Variants in RC3H2 observed in about 807,000 individuals in gnomAD.
RC3H2 encodes roquin-2.
RC3H2 carries 31 observed loss-of-function variants against 133.3 expected under a neutral mutation model. The ratio of observed to expected loss-of-function variants is 0.23; its 90% CI spans 0.17 to 0.31. RC3H2 has a LOEUF of 0.31. Among genes scored for constraint, RC3H2 ranks in the 10% least tolerant of loss-of-function variants. RC3H2 has a pLI of 1.00. For missense variants in RC3H2, 1,175 were observed against 1,437.2 expected (o/e 0.82, Z 2.95); for synonymous variants, 517 against 502.2 (o/e 1.03, Z -0.40).
intron 18 of RC3H2, among the ~76,000 whole-genome samples, chr9:122,852,598 G>A (rs1191672881): frequency 6.7e-5 from 9 of 135,298 alleles, no homozygotes; most frequent in Admixed American, 3.7e-4. Flanking sequence ...GTCAGCCCCC[G>A]GCCCGGCCAG....
At chr9:122,866,685 ACGATGT>A (rs983003851) in intron 9 of RC3H2, among the ~76,000 whole-genome samples, 134 of 152,192 alleles carry the variant, frequency 8.8e-4, no homozygotes, top group African/African-American at 3.1e-3. Flanking sequence ...GGGATTGCAG[ACGATGT>A]CTGGTTCACT....
At chr9:122,902,222 C>G (rs565543163) in intron 1 of RC3H2, among the ~76,000 whole-genome samples, 1 of 152,244 alleles carries the variant, frequency 6.6e-6, no homozygotes, top group Admixed American at 6.5e-5. Flanking sequence ...TGAGCCACCG[C>G]GCCCAGCCAA....
At chr9:122,867,258 G>C (rs1830738588) in intron 9 of RC3H2, among the ~76,000 whole-genome samples, 3 of 105,278 alleles carry the variant, frequency 2.8e-5, no homozygotes, top group East Asian at 2.9e-4. Context: ...CGCCCGGCCA[G>C]CCGCCCCGTC....
intron 1 of RC3H2, among the ~76,000 whole-genome samples, chr9:122,903,757 A>T (rs1407321628): frequency 6.6e-6 from 1 of 152,244 alleles, no homozygotes. Context: ...CTCCAAATCA[A>T]CGAAAATGTC....
At chr9:122,887,931 G>A (rs948843108) in intron 4 of RC3H2, among the ~76,000 whole-genome samples, 3 of 152,014 alleles carry the variant, frequency 2.0e-5, no homozygotes, top group Non-Finnish European at 4.4e-5. Context: ...TTTTAGTAGA[G>A]ACAGGGTTTC....
intron 9 of RC3H2, among the ~76,000 whole-genome samples, chr9:122,870,354 G>A (rs1373223027): frequency 1.3e-5 from 2 of 150,232 alleles, no homozygotes; most frequent in Admixed American, 6.7e-5. Flanking sequence ...CAGCCTGGCC[G>A]ACAGAGCAAG....
Position 122,851,554 on chromosome 9 carries a change from C to T in RC3H2, c.3118-118G>A, listed in dbSNP as rs1225495928. 1.4e-5 allele frequency: 19 copies of T among 1,316,706 alleles called. No homozygotes were observed. The East Asian group carries it at 2.8e-4, about 19-fold the overall frequency. 81.6% of individuals were successfully genotyped at this position (1,316,706 alleles called of 1,614,324 possible). A position where few individuals can be genotyped will look rare whatever the true frequency, so the allele number is the denominator to read the frequency against. ...GTCTCCCTCTCATGCCGAGCCGAAGCTGGACTATACTGCTGCCATCTCGGC... is the reference window on the plus strand; with the variant it reads ...GTCTCCCTCTCATGCCGAGCCGAAGTTGGACTATACTGCTGCCATCTCGGC... On this transcript the variant is annotated intron_variant, in intron 18 of 20. Transcript: ENST00000357244.
chr9:122,854,494 A>G, intron 16 of RC3H2, 37 bp downstream of exon 16: 8 of 1,486,228 alleles, frequency 5.4e-6, no homozygotes, highest in Non-Finnish European at 7.5e-6. Flanking sequence ...TACAAGTCTG[A>G]GAATGGAGAA....
intron 4 of RC3H2, among the ~76,000 whole-genome samples, chr9:122,887,855 T>C (rs1831994573): frequency 6.6e-6 from 1 of 151,470 alleles, no homozygotes; most frequent in Non-Finnish European, 1.5e-5. Flanking sequence ...GCAATTCTCG[T>C]GCCTCAGCTT....
At chr9:122,861,936 T>C (rs902809977) in intron 10 of RC3H2, among the ~76,000 whole-genome samples, 3 of 152,252 alleles carry the variant, frequency 2.0e-5, no homozygotes, top group Admixed American at 6.5e-5. Flanking sequence ...TAAAGTAAAA[T>C]AGAGACAACA....
intron 15 of RC3H2, 68 bp downstream of exon 15, chr9:122,855,116 T>G (rs1411736099): frequency 1.2e-6 from 1 of 868,972 alleles, no homozygotes; most frequent in African/African-American, 1.9e-5. Flanking sequence ...CTGTCTCAAT[T>G]AAAAAAAAAA....
At chr9:122,855,937 A>T in intron 13 of RC3H2, 59 bp from the exon 14 acceptor site, 1 of 1,375,994 alleles carries the variant, frequency 7.3e-7, no homozygotes, top group Non-Finnish European at 9.9e-7. Context: ...ACAAGCTTGT[A>T]ACTAATATAA....
chr9:122,854,146 C>G (rs1830156862), intron 17 of RC3H2, 39 bp downstream of exon 17: 1 of 1,611,754 alleles, frequency 6.2e-7, no homozygotes, highest in Non-Finnish European at 8.5e-7. Context: ...AACTGTCATT[C>G]TATTTCTCAA....
At chr9:122,867,184 A>C (rs1302295686) in intron 9 of RC3H2, among the ~76,000 whole-genome samples, 1 of 124,880 alleles carries the variant, frequency 8.0e-6, no homozygotes, top group East Asian at 2.3e-4. Flanking sequence ...CCCATCTGAG[A>C]AGTGAGGAGC....
intron 16 of RC3H2, 35 bp downstream of exon 16, chr9:122,854,496 A>G (rs1230946435): frequency 6.7e-7 from 1 of 1,500,780 alleles, no homozygotes; most frequent in Non-Finnish European, 9.3e-7. Context: ...CAAGTCTGAG[A>G]ATGGAGAATC....
intron 9 of RC3H2, chr9:122,874,200 C>A (rs2131441349): frequency 6.6e-6 from 1 of 152,110 alleles, no homozygotes; most frequent in East Asian, 1.9e-4. Flanking sequence ...ATATAGTAAT[C>A]AACAGTGATT....
At chr9:122,856,914 C>A (rs1276279357) in intron 13 of RC3H2, among the ~76,000 whole-genome samples, 1 of 152,208 alleles carries the variant, frequency 6.6e-6, no homozygotes, top group Non-Finnish European at 1.5e-5. Flanking sequence ...CAAGTGGCAT[C>A]TAGCAAGCAA....
At chr9:122,875,212 C>A in intron 9 of RC3H2, 4 of 1,551,132 alleles carry the variant, frequency 2.6e-6, no homozygotes. Flanking sequence ...GGGAAAAAAA[C>A]TGAGAAGAGA....
intron 2 of RC3H2, among the ~76,000 whole-genome samples, chr9:122,895,922 A>C (rs1441760929): frequency 6.6e-6 from 1 of 152,182 alleles, no homozygotes; most frequent in African/African-American, 2.4e-5. Flanking sequence ...TGTTATTTCA[A>C]ATCTAGAGTC....
Sources: allele counts gnomAD v4.1 joint callset (sites outside exome capture counted in the v4.1 genomes callset), GRCh38; gene constraint gnomAD v4.1.1; transcripts MANE v1.5; gene names NCBI Gene and HGNC (gene_info 2026-07-23, HGNC 2026-07-21).